ATRNL1: variants seen among roughly 807,000 people sequenced by gnomAD.
ATRNL1 encodes attractin-like protein 1.
ATRNL1 carries 95 observed loss-of-function variants against 182.7 expected under a neutral mutation model. That is an observed-to-expected ratio of 0.52 (90% confidence interval 0.44 to 0.62). ATRNL1 has a LOEUF of 0.62. ATRNL1 is among the 20% of genes least tolerant of loss of function. The probability of loss-of-function intolerance (pLI) is 0.00; values close to 1 mark genes in which losing one functional copy is unlikely to be tolerated. For missense variants in ATRNL1, 1,471 were observed against 1,679.5 expected (o/e 0.88, Z 2.17); for synonymous variants, 576 against 568.3 (o/e 1.01, Z -0.19).
At chr10:115,481,059 ACT>A (rs1306915688) in intron 24 of ATRNL1, among the ~76,000 whole-genome samples, 2 of 150,412 alleles carry the variant, frequency 1.3e-5, no homozygotes, top group African/African-American at 4.8e-5. Context: ...ATCTAATGAA[ACT>A]CTTCTAAAAA....
At chr10:115,435,887 C>T (rs1474048738) in intron 21 of ATRNL1, among the ~76,000 whole-genome samples, 1 of 152,098 alleles carries the variant, frequency 6.6e-6, no homozygotes, top group African/African-American at 2.4e-5. Context: ...TTTATTGGAT[C>T]TCCATACTTA....
At chr10:115,223,618 A>G (rs945491968) in intron 9 of ATRNL1, among the ~76,000 whole-genome samples, 2 of 151,980 alleles carry the variant, frequency 1.3e-5, no homozygotes, top group Non-Finnish European at 1.5e-5. Flanking sequence ...AGGACAATGA[A>G]CAATTTTGTC....
intron 27 of ATRNL1, among the ~76,000 whole-genome samples, chr10:115,811,749 C>G (rs1555087028): frequency 6.6e-6 from 1 of 151,948 alleles, no homozygotes; most frequent in African/African-American, 2.4e-5. Context: ...TTTCCTGGTA[C>G]TATTCCTTGA....
At chr10:115,842,681 A>G (rs1190141075) in intron 27 of ATRNL1, among the ~76,000 whole-genome samples, 1 of 60,178 alleles carries the variant, frequency 1.7e-5, no homozygotes. Context: ...GATTTTTACT[A>G]TTAATAGGCT....
At chr10:115,807,247 CTGGGATTACAAGCGTG>C (rs1949942250) in intron 27 of ATRNL1, among the ~76,000 whole-genome samples, 1 of 151,968 alleles carries the variant, frequency 6.6e-6, no homozygotes, top group Admixed American at 6.6e-5. Context: ...TCCCGAGTAG[CTGGGATTACAAGCGTG>C]TGTCACCACA....
chr10:115,813,097 G>A (rs978514731), intron 27 of ATRNL1, among the ~76,000 whole-genome samples: 12 of 152,090 alleles, frequency 7.9e-5, no homozygotes, highest in African/African-American at 2.9e-4. Flanking sequence ...AAGTGCCTCT[G>A]TGGGGTTCTT....
intron 26 of ATRNL1, among the ~76,000 whole-genome samples, chr10:115,710,008 T>C (rs1473970643): frequency 6.6e-6 from 1 of 152,060 alleles, no homozygotes; most frequent in East Asian, 1.9e-4. Flanking sequence ...AAGCACTCTG[T>C]CCTATTTCTT....
chr10:115,612,474 G>A (rs1857214044), intron 26 of ATRNL1, among the ~76,000 whole-genome samples: 2 of 152,094 alleles, frequency 1.3e-5, no homozygotes, highest in South Asian at 2.1e-4. Flanking sequence ...TGGACTATGG[G>A]GATCATAGGC....
chr10:115,856,382 C>T (rs1420674650), intron 28 of ATRNL1, among the ~76,000 whole-genome samples: 4 of 124,664 alleles, frequency 3.2e-5, no homozygotes, highest in Admixed American at 1.0e-4. Context: ...AAACCGAGAT[C>T]GTGCCATTGC....
At chr10:115,680,623 A>G (rs1555044411) in intron 26 of ATRNL1, among the ~76,000 whole-genome samples, 3 of 152,186 alleles carry the variant, frequency 2.0e-5, no homozygotes. Context: ...CAGAGCTATT[A>G]GAAATCCTGA....
chr10:115,739,834 G>T (rs1248091579), intron 27 of ATRNL1, among the ~76,000 whole-genome samples: 1 of 152,022 alleles, frequency 6.6e-6, no homozygotes, highest in Non-Finnish European at 1.5e-5. Flanking sequence ...GCCTATGACA[G>T]TTACTTTTAC....
intron 27 of ATRNL1, among the ~76,000 whole-genome samples, chr10:115,727,942 G>A (rs1319722554): frequency 6.6e-6 from 1 of 151,846 alleles, no homozygotes; most frequent in Non-Finnish European, 1.5e-5. Context: ...GAATCCAAAA[G>A]TAATACATGA....
At chr10:115,707,220 G>T (rs1032938802) in intron 26 of ATRNL1, among the ~76,000 whole-genome samples, 1 of 151,568 alleles carries the variant, frequency 6.6e-6, no homozygotes. Context: ...CACTCTTATC[G>T]TATCAGTCTA....
intron 19 of ATRNL1, among the ~76,000 whole-genome samples, chr10:115,391,735 A>G (rs1180476347): frequency 1.3e-5 from 2 of 151,920 alleles, no homozygotes; most frequent in African/African-American, 4.8e-5. Context: ...TGTTTCTATG[A>G]GAGATGAACA....
intron 24 of ATRNL1, among the ~76,000 whole-genome samples, chr10:115,518,517 A>G (rs1200819824): frequency 6.6e-6 from 1 of 151,932 alleles, no homozygotes; most frequent in Non-Finnish European, 1.5e-5. Context: ...TAAACATTAA[A>G]TTTCTATTCA....
In ATRNL1 at chr10:115,302,011, A is replaced by G; in HGVS notation, c.2786A>G (p.Gln929Arg). ...TATATCATCTCTTTTCCATATGGAC[A>G]ATGTCTAGAGTGGCAAACTGCCACC... ...NAYIISFPYG[Q>R]CLEWQTATCS... Residue 929 changes from glutamine to arginine, a missense_variant, in exon 17 of 29, where the codon CAA becomes CGA. Transcript: ENST00000355044. 1 of 1,613,842 alleles carries G rather than the reference A, an allele frequency of 6.2e-7. No individual in the cohort carries two copies. The highest frequency in any genetic ancestry group is 2.2e-5 in the East Asian group (1 of 44,876).
At chr10:115,803,253 A>G (rs1427367515) in intron 27 of ATRNL1, among the ~76,000 whole-genome samples, 1 of 122,692 alleles carries the variant, frequency 8.2e-6, no homozygotes, top group African/African-American at 2.6e-5. Context: ...ATTTGGCAAG[A>G]TTATTTTGGT....
At chr10:115,299,176 CAT>C (rs781970886) in intron 15 of ATRNL1, among the ~76,000 whole-genome samples, 9 of 151,408 alleles carry the variant, frequency 5.9e-5, no homozygotes, top group Non-Finnish European at 1.2e-4. Flanking sequence ...AATCTATTAT[CAT>C]ATATATTAAA....
intron 27 of ATRNL1, among the ~76,000 whole-genome samples, chr10:115,743,698 C>T (rs1555068391): frequency 6.6e-6 from 1 of 151,980 alleles, no homozygotes; most frequent in Non-Finnish European, 1.5e-5. Context: ...ATTGATTATT[C>T]TCAATTAGAT....
Sources: gnomAD v4.1 joint callset for allele counts (sites outside exome capture counted in the v4.1 genomes callset) on GRCh38, gnomAD v4.1.1 for gene constraint, MANE v1.5 for transcripts, NCBI Gene and HGNC (gene_info 2026-07-23, HGNC 2026-07-21) for gene names.